Variants in MARCHF3 observed in about 807,000 individuals in gnomAD.
MARCHF3 encodes the protein E3 ubiquitin-protein ligase MARCHF3.
In MARCHF3, 13 loss-of-function variants were observed where a neutral mutation model predicts 24.2. The observed-to-expected ratio is 0.54, with a 90% CI of 0.35 to 0.85. The LOEUF (loss-of-function observed/expected upper bound fraction) is 0.85, where lower values mean the gene tolerates loss of function less well. MARCHF3 is among the 40% of genes least tolerant of loss of function. MARCHF3 has a pLI of 0.01. For synonymous variants in MARCHF3, 144 were observed against 137.3 expected (o/e 1.05, Z -0.34); for missense variants, 276 against 325.0 (o/e 0.85, Z 1.16).
At chr5:126,909,526 G>A (rs565229876) in intron 3 of MARCHF3, among the ~76,000 whole-genome samples, 30 of 152,336 alleles carry the variant, frequency 2.0e-4, no homozygotes, top group African/African-American at 5.8e-4. Flanking sequence ...CTCCTGGTGC[G>A]CTGTTTTTTA....
chr5:126,939,408 C>T (rs1749753284), intron 1 of MARCHF3, among the ~76,000 whole-genome samples: 1 of 152,298 alleles, frequency 6.6e-6, no homozygotes. Context: ...TGGCTACTAC[C>T]TGTTCTTCAT....
At chr5:126,873,664 G>T (rs1197302933) in intron 4 of MARCHF3, among the ~76,000 whole-genome samples, 2 of 152,204 alleles carry the variant, frequency 1.3e-5, no homozygotes, top group Non-Finnish European at 2.9e-5. Context: ...CAGGTCTCCT[G>T]GTTCCATGGC....
chr5:126,991,728 A>G (rs1407834062), intron 1 of MARCHF3, among the ~76,000 whole-genome samples: 1 of 152,010 alleles, frequency 6.6e-6, no homozygotes, highest in Non-Finnish European at 1.5e-5. Context: ...TTCAAAAAAA[A>G]AAAAAGAAAC....
chr5:126,973,915 G>T (rs1204920389), intron 1 of MARCHF3, among the ~76,000 whole-genome samples: 1 of 117,548 alleles, frequency 8.5e-6, no homozygotes, highest in Non-Finnish European at 1.6e-5. Flanking sequence ...TTTTGAGACG[G>T]AGTCTCGCTC....
At chr5:126,876,064 C>T (rs1208477037) in intron 4 of MARCHF3, among the ~76,000 whole-genome samples, 1 of 152,156 alleles carries the variant, frequency 6.6e-6, no homozygotes, top group Non-Finnish European at 1.5e-5. Flanking sequence ...CTGAAAGAGC[C>T]TAGTCTAGGT....
intron 1 of MARCHF3, among the ~76,000 whole-genome samples, chr5:126,997,568 T>A (rs1263466030): frequency 6.6e-6 from 1 of 152,210 alleles, no homozygotes; most frequent in African/African-American, 2.4e-5. Context: ...CTATCACTGA[T>A]ACCCCAAGGT....
chr5:126,964,382 G>A (rs1750736922), intron 1 of MARCHF3, among the ~76,000 whole-genome samples: 1 of 152,280 alleles, frequency 6.6e-6, no homozygotes, highest in East Asian at 1.9e-4. Flanking sequence ...TTATTGGTAT[G>A]ATTCTTTCAC....
chr5:126,916,814 T>G (rs1313488586), intron 2 of MARCHF3, among the ~76,000 whole-genome samples: 1 of 151,342 alleles, frequency 6.6e-6, no homozygotes, highest in Non-Finnish European at 1.5e-5. Flanking sequence ...CAAGGGTGAG[T>G]GGGGCACATC....
rs1312786139 is a variant in MARCHF3, at chr5:126,880,369, G to A, written c.394-1975C>T. ...AACATAGATAATGGGGAGCTGACTT[G>A]TCTGCGAATTTAAATACTGCATTAT... On this transcript the variant is annotated intron_variant, in intron 3 of 4. Transcript: ENST00000308660. Among the ~76,000 whole-genome samples, 6 of 152,300 alleles carry A rather than the reference G, an allele frequency of 3.9e-5. No homozygotes were observed. The East Asian group carries it at 1.2e-3, about 29-fold the overall frequency.
chr5:126,943,014 A>T (rs1749884413), intron 1 of MARCHF3, among the ~76,000 whole-genome samples: 2 of 152,244 alleles, frequency 1.3e-5, no homozygotes, highest in Admixed American at 6.5e-5. Context: ...GGCCAGGTGC[A>T]GTGGCTCATG....
intron 1 of MARCHF3, among the ~76,000 whole-genome samples, chr5:126,950,972 G>T (rs931807350): frequency 1.4e-4 from 21 of 152,250 alleles, no homozygotes; most frequent in African/African-American, 4.1e-4. Context: ...TCAAGACAAT[G>T]AACTTATCCA....
intron 1 of MARCHF3, among the ~76,000 whole-genome samples, chr5:126,983,418 T>G (rs1751455950): frequency 6.6e-6 from 1 of 152,156 alleles, no homozygotes; most frequent in Non-Finnish European, 1.5e-5. Context: ...GGTCACTTCC[T>G]CAGCACAAGA....
At chr5:126,959,102 T>C (rs766247069) in intron 1 of MARCHF3, among the ~76,000 whole-genome samples, 1 of 152,102 alleles carries the variant, frequency 6.6e-6, no homozygotes, top group Admixed American at 6.6e-5. Context: ...TCCTTGAGTA[T>C]AGGCCATCTC....
chr5:127,011,557 G>C (rs567739297), intron 1 of MARCHF3, among the ~76,000 whole-genome samples: 32 of 152,032 alleles, frequency 2.1e-4, no homozygotes, highest in Non-Finnish European at 4.1e-4. Flanking sequence ...GCAAAAATTA[G>C]GTATCTTCTG....
At chr5:126,979,102 T>C (rs1369672696) in intron 1 of MARCHF3, among the ~76,000 whole-genome samples, 3 of 152,370 alleles carry the variant, frequency 2.0e-5, no homozygotes, top group Admixed American at 1.3e-4. Context: ...TAATTTAATA[T>C]GATGTTGTAA....
At chr5:126,947,567 G>C (rs1260946110) in intron 1 of MARCHF3, among the ~76,000 whole-genome samples, 1 of 152,186 alleles carries the variant, frequency 6.6e-6, no homozygotes, top group African/African-American at 2.4e-5. Context: ...AGAGGTTCAT[G>C]AATTGCAACA....
intron 1 of MARCHF3, among the ~76,000 whole-genome samples, chr5:126,978,892 C>A (rs905194874): frequency 6.6e-6 from 1 of 152,198 alleles, no homozygotes; most frequent in Non-Finnish European, 1.5e-5. Context: ...TGTGTACATA[C>A]ATTTTCTGGA....
chr5:126,873,627 A>C (rs57826420), intron 4 of MARCHF3, among the ~76,000 whole-genome samples: 4,714 of 152,348 alleles, frequency 0.031, 236 homozygotes, highest in African/African-American at 0.1. Context: ...GCACTGCTTC[A>C]AGGAACACAG....
In MARCHF3 at chr5:126,895,596, TG is replaced by T. The variant is rs1395692286; in HGVS notation, c.394-17203del. On this transcript the variant is annotated intron_variant, in intron 3 of 4. Transcript: ENST00000308660. ...GTGTGAGGTGTCAGTGTGCCCCTGC[TG>T]GGGGGTGCCTCCCAGTTATGCTGCT... Among the ~76,000 whole-genome samples the T allele has an allele frequency of 6.6e-5, 10 of 152,080 alleles. No homozygotes were observed. In the South Asian group the frequency reaches 1.0e-3, roughly 16 times the overall value.
Sources: allele counts gnomAD v4.1 joint callset (sites outside exome capture counted in the v4.1 genomes callset), GRCh38; gene constraint gnomAD v4.1.1; transcripts MANE v1.5; gene names NCBI Gene and HGNC (gene_info 2026-07-23, HGNC 2026-07-21).